Variants in TBC1D14 observed in about 807,000 individuals in gnomAD.
The protein encoded by TBC1D14 is TBC1 domain family member 14.
In TBC1D14, 26 loss-of-function variants were observed where a neutral mutation model predicts 79.0. That is an observed-to-expected ratio of 0.33 (90% confidence interval 0.24 to 0.46). The LOEUF is 0.46. TBC1D14 is among the 20% of genes least tolerant of loss of function. The pLI, the probability that TBC1D14 is intolerant of heterozygous loss-of-function variation, is 1.00. For synonymous variants in TBC1D14, 394 were observed against 349.9 expected (o/e 1.13, Z -1.40); for missense variants, 769 against 887.6 (o/e 0.87, Z 1.70).
At chr4:6,995,713 T>G (rs1367809114) in intron 4 of TBC1D14, 3 of 150,478 alleles carry the variant, frequency 2.0e-5, no homozygotes, top group Non-Finnish European at 4.4e-5. Context: ...AGGGTTTCAA[T>G]GTGTTAGTCA....
At chr4:7,016,721 T>C (rs1303843557) in intron 12 of TBC1D14, among the ~76,000 whole-genome samples, 1 of 152,236 alleles carries the variant, frequency 6.6e-6, no homozygotes, top group Non-Finnish European at 1.5e-5. Flanking sequence ...TGAAATATTG[T>C]ACTTTGTTCT....
intron 2 of TBC1D14, among the ~76,000 whole-genome samples, chr4:6,928,254 A>C (rs1056908634): frequency 3.3e-5 from 5 of 152,154 alleles, no homozygotes; most frequent in Non-Finnish European, 5.9e-5. Flanking sequence ...AGGTGGGGGC[A>C]CCTGGCTGTG....
chr4:6,919,388 C>T (rs566152217), intron 1 of TBC1D14, among the ~76,000 whole-genome samples: 96 of 152,026 alleles, frequency 6.3e-4, no homozygotes, highest in African/African-American at 2.0e-3. Flanking sequence ...TCAGGTGATC[C>T]GCCCGTCTCG....
At chr4:7,002,469 C>T (rs191216725) in intron 7 of TBC1D14, among the ~76,000 whole-genome samples, 9 of 152,176 alleles carry the variant, frequency 5.9e-5, no homozygotes, top group African/African-American at 1.7e-4. Context: ...ACCTATGGAC[C>T]GTATTGTTTT....
intron 3 of TBC1D14, among the ~76,000 whole-genome samples, chr4:6,977,923 C>T (rs1483687733): frequency 4.6e-5 from 7 of 151,404 alleles, no homozygotes; most frequent in Non-Finnish European, 1.0e-4. Context: ...AGCGTCTCTG[C>T]CCGGCCGCCC....
intron 3 of TBC1D14, among the ~76,000 whole-genome samples, chr4:6,993,396 C>T (rs1235560989): frequency 1.3e-5 from 2 of 152,192 alleles, no homozygotes; most frequent in Non-Finnish European, 2.9e-5. Flanking sequence ...TGTGAATGAG[C>T]TCTTGTGGTT....
chr4:6,977,218 C>T (rs1435615611), intron 3 of TBC1D14, among the ~76,000 whole-genome samples: 1 of 145,126 alleles, frequency 6.9e-6, no homozygotes, highest in African/African-American at 2.5e-5. Flanking sequence ...TGCAACCTCC[C>T]TGCCTGATTC....
chr4:7,019,323 G>A (rs557917681), intron 12 of TBC1D14, among the ~76,000 whole-genome samples: 2 of 152,242 alleles, frequency 1.3e-5, no homozygotes, highest in African/African-American at 2.4e-5. Context: ...CCCAGCTCGA[G>A]TTCCCATTTA....
chr4:6,986,441 C>T (rs2109115895), intron 3 of TBC1D14, among the ~76,000 whole-genome samples: 1 of 152,358 alleles, frequency 6.6e-6, no homozygotes, highest in South Asian at 2.1e-4. Context: ...TTCTCTAAGT[C>T]TTTGCTATCA....
intron 1 of TBC1D14, among the ~76,000 whole-genome samples, chr4:6,922,192 T>G (rs1416098540): frequency 6.6e-6 from 1 of 152,172 alleles, no homozygotes; most frequent in African/African-American, 2.4e-5. Flanking sequence ...TACCTGGGAC[T>G]GCAGGCATGT....
At chr4:6,947,643 C>T (rs1713611880) in intron 2 of TBC1D14, among the ~76,000 whole-genome samples, 2 of 135,460 alleles carry the variant, frequency 1.5e-5, no homozygotes, top group African/African-American at 2.8e-5. Flanking sequence ...GCCTGGGCAG[C>T]AGAGTGAGAT....
chr4:6,944,629 C>T (rs1015157794), intron 2 of TBC1D14, among the ~76,000 whole-genome samples: 3 of 152,132 alleles, frequency 2.0e-5, no homozygotes, highest in Non-Finnish European at 2.9e-5. Flanking sequence ...GGCTGATGGG[C>T]GGTTGGAATT....
chr4:6,920,669 G>T (rs529639663), intron 1 of TBC1D14, among the ~76,000 whole-genome samples: 3 of 152,250 alleles, frequency 2.0e-5, no homozygotes, highest in Non-Finnish European at 4.4e-5. Flanking sequence ...CTTTTCTTGT[G>T]GTACTTGATT....
chr4:7,029,225 A>T (rs1242644617), intron 13 of TBC1D14, among the ~76,000 whole-genome samples: 1 of 152,234 alleles, frequency 6.6e-6, no homozygotes, highest in Admixed American at 6.5e-5. Context: ...ATCTGCCATT[A>T]TTCCTTTTCT....
intron 13 of TBC1D14, among the ~76,000 whole-genome samples, chr4:7,026,878 C>T (rs1197886654): frequency 6.6e-6 from 1 of 152,008 alleles, no homozygotes; most frequent in Non-Finnish European, 1.5e-5. Context: ...GCCTAGGCAA[C>T]AGAGGAAGAC....
At chr4:6,991,210 T>C (rs986158435) in intron 3 of TBC1D14, among the ~76,000 whole-genome samples, 1 of 152,260 alleles carries the variant, frequency 6.6e-6, no homozygotes. Context: ...GCGTCTCTGC[T>C]GATCTGTGCA....
chr4:6,916,440 T>G (rs1158654791), intron 1 of TBC1D14, among the ~76,000 whole-genome samples: 1 of 152,212 alleles, frequency 6.6e-6, no homozygotes, highest in African/African-American at 2.4e-5. Flanking sequence ...ATCTCTTGGT[T>G]TGGCCTTGTA....
chr4:7,018,396 T>A (rs1332472639), intron 12 of TBC1D14, among the ~76,000 whole-genome samples: 2 of 152,130 alleles, frequency 1.3e-5, no homozygotes, highest in African/African-American at 4.8e-5. Flanking sequence ...AAATCTCCTG[T>A]CCTGCCACAC....
chr4:6,916,060 A>C (rs1389398711), intron 1 of TBC1D14, among the ~76,000 whole-genome samples: 1 of 149,924 alleles, frequency 6.7e-6, no homozygotes, highest in Non-Finnish European at 1.5e-5. Flanking sequence ...CAGGAGGCAG[A>C]GGTTGCAGTG....
Sources: allele counts gnomAD v4.1 joint callset (sites outside exome capture counted in the v4.1 genomes callset), GRCh38; gene constraint gnomAD v4.1.1; transcripts MANE v1.5; gene names NCBI Gene and HGNC (gene_info 2026-07-23, HGNC 2026-07-21).